TAFA1: variants seen among roughly 807,000 people sequenced by gnomAD.
The protein encoded by TAFA1 is TAFA chemokine like family member 1, also known as chemokine-like protein TAFA-1.
Under a neutral mutation model 18.5 loss-of-function variants are expected in TAFA1, and 4 were observed. The ratio of observed to expected loss-of-function variants is 0.22; its 90% CI spans 0.11 to 0.49. The LOEUF (loss-of-function observed/expected upper bound fraction) is 0.49, where lower values mean the gene tolerates loss of function less well. Ranked by LOEUF, TAFA1 falls within the 20% of genes least tolerant of loss-of-function variation. The probability of loss-of-function intolerance (pLI) is 0.98; values close to 1 mark genes in which losing one functional copy is unlikely to be tolerated. For synonymous variants in TAFA1, 56 were observed against 55.2 expected (o/e 1.01, Z -0.06); for missense variants, 147 against 169.0 (o/e 0.87, Z 0.72).
chr3:68,005,209 A>G (rs1704336954), intron 1 of TAFA1, among the ~76,000 whole-genome samples: 3 of 152,238 alleles, frequency 2.0e-5, no homozygotes, highest in African/African-American at 7.2e-5. Flanking sequence ...ATTTCCACTG[A>G]AGAGAATGCA....
At chr3:68,263,548 G>A (rs1174250147) in intron 2 of TAFA1, among the ~76,000 whole-genome samples, 1 of 151,612 alleles carries the variant, frequency 6.6e-6, no homozygotes, top group Non-Finnish European at 1.5e-5. Flanking sequence ...ATTTGACTCT[G>A]GAAGGGGTGA....
At chr3:68,107,710 T>G (rs2065218753) in intron 2 of TAFA1, among the ~76,000 whole-genome samples, 2 of 152,158 alleles carry the variant, frequency 1.3e-5, no homozygotes, top group South Asian at 4.1e-4. Context: ...GAGCTTAGAA[T>G]TCTCCCTCTC....
chr3:68,048,951 G>C (rs1339588544), intron 2 of TAFA1, among the ~76,000 whole-genome samples: 1 of 152,096 alleles, frequency 6.6e-6, no homozygotes, highest in Non-Finnish European at 1.5e-5. Flanking sequence ...TTGATATACT[G>C]GTTTCTTTTC....
intron 2 of TAFA1, among the ~76,000 whole-genome samples, chr3:68,111,780 A>AG (rs377007942): frequency 0.47 from 68,816 of 145,746 alleles, 16,334 homozygotes; most frequent in South Asian, 0.61. Flanking sequence ...ACACATGAGA[A>AG]AGAGAGAGAG....
chr3:68,330,302 G>T (rs570488486), intron 2 of TAFA1, among the ~76,000 whole-genome samples: 1 of 152,168 alleles, frequency 6.6e-6, no homozygotes, highest in Non-Finnish European at 1.5e-5. Flanking sequence ...CTGGCCATGT[G>T]ATTGAGGCCT....
At chr3:68,536,139 A>T (rs1435556280) in intron 3 of TAFA1, among the ~76,000 whole-genome samples, 2 of 152,210 alleles carry the variant, frequency 1.3e-5, no homozygotes, top group Admixed American at 6.5e-5. Context: ...TAATAATTTT[A>T]TTCAAAGTAA....
At chr3:68,362,677 A>G (rs1280076624) in intron 2 of TAFA1, among the ~76,000 whole-genome samples, 3 of 152,138 alleles carry the variant, frequency 2.0e-5, no homozygotes, top group Non-Finnish European at 4.4e-5. Context: ...ATGTGAAGTC[A>G]TAAGGAGTTT....
intron 2 of TAFA1, among the ~76,000 whole-genome samples, chr3:68,325,528 T>C (rs1419785458): frequency 6.6e-6 from 1 of 152,218 alleles, no homozygotes; most frequent in African/African-American, 2.4e-5. Flanking sequence ...ATGATAGTGA[T>C]TATGCTTATC....
chr3:68,038,678 A>G (rs1705103064), intron 2 of TAFA1, among the ~76,000 whole-genome samples: 1 of 152,186 alleles, frequency 6.6e-6, no homozygotes, highest in South Asian at 2.1e-4. Context: ...TAAAAAAAAA[A>G]AACTTTAAAA....
intron 3 of TAFA1, among the ~76,000 whole-genome samples, chr3:68,422,156 G>T (rs1365229642): frequency 6.6e-6 from 1 of 152,088 alleles, no homozygotes; most frequent in Non-Finnish European, 1.5e-5. Flanking sequence ...AAGTTTTATG[G>T]ATGGCTTGTT....
At chr3:68,488,431 T>C (rs2072387694) in intron 3 of TAFA1, among the ~76,000 whole-genome samples, 1 of 152,206 alleles carries the variant, frequency 6.6e-6, no homozygotes, top group Non-Finnish European at 1.5e-5. Context: ...TAATCTTCTT[T>C]TGCAACATCC....
At chr3:68,273,370 G>A (rs982857251) in intron 2 of TAFA1, among the ~76,000 whole-genome samples, 1 of 152,180 alleles carries the variant, frequency 6.6e-6, no homozygotes, top group African/African-American at 2.4e-5. Flanking sequence ...GCCTTGTAAT[G>A]TGTTGTCAGA....
At chr3:68,386,652 G>T (rs1301547447) in intron 2 of TAFA1, among the ~76,000 whole-genome samples, 3 of 152,090 alleles carry the variant, frequency 2.0e-5, no homozygotes, top group African/African-American at 7.2e-5. Context: ...CACCAAGAAT[G>T]CTGGCTCCAG....
chr3:68,259,627 T>C (rs111929900), intron 2 of TAFA1, among the ~76,000 whole-genome samples: 11,950 of 152,106 alleles, frequency 0.079, 594 homozygotes, highest in African/African-American at 0.13. Context: ...CAGTGGTTTG[T>C]AGTTCTCCTT....
intron 2 of TAFA1, among the ~76,000 whole-genome samples, chr3:68,043,207 A>G (rs1412397599): frequency 6.6e-6 from 1 of 152,118 alleles, no homozygotes; most frequent in Non-Finnish European, 1.5e-5. Context: ...TGTTAACAGA[A>G]AGAGAGTACA....
chr3:68,299,106 G>T (rs1401348069), intron 2 of TAFA1, among the ~76,000 whole-genome samples: 1 of 152,210 alleles, frequency 6.6e-6, no homozygotes, highest in Non-Finnish European at 1.5e-5. Context: ...GGTGGTCTCA[G>T]ATGGGGATGA....
intron 2 of TAFA1, among the ~76,000 whole-genome samples, chr3:68,172,750 T>C (rs1221018050): frequency 6.6e-6 from 1 of 152,122 alleles, no homozygotes; most frequent in Non-Finnish European, 1.5e-5. Context: ...TTATGTTGAA[T>C]GAATAAAGGC....
intron 2 of TAFA1, among the ~76,000 whole-genome samples, chr3:68,143,741 G>C (rs750492139): frequency 6.6e-6 from 1 of 152,090 alleles, no homozygotes; most frequent in Non-Finnish European, 1.5e-5. Flanking sequence ...TTGTTTTACA[G>C]CTTCCCTAAA....
intron 3 of TAFA1, among the ~76,000 whole-genome samples, chr3:68,466,881 G>C (rs923517260): frequency 1.3e-5 from 2 of 152,114 alleles, no homozygotes; most frequent in Admixed American, 6.5e-5. Flanking sequence ...GGGTATCAGG[G>C]GAGACATCGC....
Sources: gnomAD v4.1 joint callset for allele counts (sites outside exome capture counted in the v4.1 genomes callset) on GRCh38, gnomAD v4.1.1 for gene constraint, MANE v1.5 for transcripts, NCBI Gene and HGNC (gene_info 2026-07-23, HGNC 2026-07-21) for gene names.